Variants in PCDHGB1 observed in about 807,000 individuals in gnomAD.
The protein encoded by PCDHGB1 is protocadherin gamma-B1.
PCDHGB1 carries 34 observed loss-of-function variants against 56.6 expected under a neutral mutation model. That is an observed-to-expected ratio of 0.60 (90% CI 0.46 to 0.80). The LOEUF (loss-of-function observed/expected upper bound fraction) is 0.80, where lower values mean the gene tolerates loss of function less well. Among genes scored for constraint, PCDHGB1 ranks in the 30% least tolerant of loss-of-function variants. The pLI, the probability that PCDHGB1 is intolerant of heterozygous loss-of-function variation, is 0.00. For missense variants in PCDHGB1, 1,278 were observed against 1,204.6 expected, an observed-to-expected ratio of 1.06 and a Z score of -0.90; for synonymous variants, 561 against 505.9, an observed-to-expected ratio of 1.11 and a Z score of -1.46.
At chr5:141,504,303 G>A (rs1157625808) in intron 2 of PCDHGB1, among the ~76,000 whole-genome samples, 4 of 151,938 alleles carry the variant, frequency 2.6e-5, no homozygotes, top group Admixed American at 2.6e-4. Context: ...TTCAACACTC[G>A]GAGTTTCTAA....
chr5:141,488,846 C>T (rs1359759383), intron 1 of PCDHGB1, among the ~76,000 whole-genome samples: 1 of 152,174 alleles, frequency 6.6e-6, no homozygotes, highest in African/African-American at 2.4e-5. Flanking sequence ...GCTGAATCAA[C>T]CTGCAGCACG....
chr5:141,360,940 C>A (rs753520735), intron 1 of PCDHGB1: 6 of 1,613,772 alleles, frequency 3.7e-6, no homozygotes, highest in South Asian at 2.2e-5. Context: ...AGCCACCGAC[C>A]GGGATGAAGG....
At chr5:141,451,185 T>C (rs900513875) in intron 1 of PCDHGB1, among the ~76,000 whole-genome samples, 1 of 152,182 alleles carries the variant, frequency 6.6e-6, no homozygotes, top group Non-Finnish European at 1.5e-5. Context: ...GCCATTGCTG[T>C]GTAACAAATT....
At chr5:141,444,434 G>A (rs761353277) in intron 1 of PCDHGB1, among the ~76,000 whole-genome samples, 16 of 152,196 alleles carry the variant, frequency 1.1e-4, no homozygotes, top group Admixed American at 7.2e-4. Flanking sequence ...GCCTCCCAAA[G>A]TGCTGGGATT....
rs138831045 is a variant in PCDHGB1 at position 141,462,238 on chromosome 5, G to A, written c.2410-32569G>A. Among the ~76,000 whole-genome samples the A allele has an allele frequency of 2.9e-3, 441 of 152,288 alleles. 3 individuals carry two copies. Among genetic ancestry groups the A allele is most frequent in the African/African-American group, 9.9e-3 (412 of 41,566 alleles). On this transcript the variant is annotated intron_variant, in intron 1 of 3. Coordinates refer to ENST00000523390, the MANE Select transcript of PCDHGB1 (RefSeq NM_018922.3). ...GCCTCCCAAAGTGCAGGGATTACAG[G>A]TATGAGCCACCATGACCAGCCTAAA...
At chr5:141,383,394 C>A in intron 1 of PCDHGB1, 2 of 1,614,036 alleles carry the variant, frequency 1.2e-6, no homozygotes, top group Non-Finnish European at 1.7e-6. Context: ...TGGGCACGAA[C>A]TCCCTCCAGA....
chr5:141,400,521 G>A (rs1462677478), intron 1 of PCDHGB1: 5 of 1,613,972 alleles, frequency 3.1e-6, no homozygotes, highest in Non-Finnish European at 4.2e-6. Context: ...CCCATCCTGA[G>A]TTGGTGAGTT....
At chr5:141,429,105 C>G (rs936114624) in intron 1 of PCDHGB1, 1 of 152,318 alleles carries the variant, frequency 6.6e-6, no homozygotes, top group Non-Finnish European at 1.5e-5. Flanking sequence ...CTGCCCGCCT[C>G]GGCCTCCCAA....
intron 1 of PCDHGB1, chr5:141,383,067 C>G: frequency 1.2e-6 from 2 of 1,613,822 alleles, no homozygotes; most frequent in South Asian, 1.1e-5. Flanking sequence ...GGCTGGAGCC[C>G]CGGGAGCTGG....
At chr5:141,472,994 A>AAAG (rs2099310386) in intron 1 of PCDHGB1, among the ~76,000 whole-genome samples, 1 of 151,692 alleles carries the variant, frequency 6.6e-6, no homozygotes, top group Non-Finnish European at 1.5e-5. Flanking sequence ...AAAAAAAAAA[A>AAAG]AAAGAAAGAA....
intron 1 of PCDHGB1, chr5:141,400,255 C>T: frequency 6.2e-7 from 1 of 1,614,046 alleles, no homozygotes; most frequent in Non-Finnish European, 8.5e-7. Flanking sequence ...CGTTGCCTTG[C>T]GCCTGCGACG....
In PCDHGB1 at chr5:141,454,796, A is replaced by ATTTTTTTTTTTTTTTTTTT. The variant is rs61612330; in HGVS notation, c.2410-40000_2410-39982dup. Among the ~76,000 whole-genome samples the ATTTTTTTTTTTTTTTTTTT allele has an allele frequency of 2.8e-4, 22 of 77,458 alleles. 2 individuals are homozygous for ATTTTTTTTTTTTTTTTTTT. Among genetic ancestry groups the ATTTTTTTTTTTTTTTTTTT allele is most frequent in the East Asian group, 4.0e-4 (1 of 2,512 alleles). The allele number at this position is 77,458 out of a possible 152,430, so 50.8% of individuals were successfully genotyped here. The stretch of plus-strand genomic sequence containing the variant: ...AAGGAAATAATCCTCCATGGTTCTA[A>ATTTTTTTTTTTTTTTTTTT]TTTTTTTTTTTTTTTTTTTTTTTTT... On this transcript the variant is annotated intron_variant, in intron 1 of 3. Coordinates refer to ENST00000523390, the MANE Select transcript of PCDHGB1 (RefSeq NM_018922.3).
chr5:141,350,586 A>C lies in PCDHGB1; in HGVS notation c.326A>C (p.Asn109Thr). Residue 109 changes from asparagine to threonine, a missense_variant, in exon 1 of 4, where the codon AAC (asparagine) becomes ACC (threonine). By Grantham distance (65) the Asn-to-Thr change is moderately conservative (BLOSUM62 0). Transcript: ENST00000523390. ...CALEFETVAE[N>T]PMNVFHVVVV... is the part of the protein sequence containing the mutation. ...CTAGAATTCGAAACGGTCGCTGAAAACCCAATGAATGTTTTCCACGTGGTT... is the reference window on the plus strand; with the variant it reads ...CTAGAATTCGAAACGGTCGCTGAAACCCCAATGAATGTTTTCCACGTGGTT... 1 of 1,614,018 alleles carries C rather than the reference A, an allele frequency of 6.2e-7. No individual in the cohort carries two copies. The highest frequency in any genetic ancestry group is 1.7e-5 in the Admixed American group (1 of 60,028).
At chr5:141,378,549 TAAAG>T (rs1207293265) in intron 1 of PCDHGB1, 5 of 152,122 alleles carry the variant, frequency 3.3e-5, no homozygotes, top group East Asian at 1.9e-4. Flanking sequence ...AATTAATAAA[TAAAG>T]AGTGAACATG....
At chr5:141,484,621 T>C (rs2099598239) in intron 1 of PCDHGB1, among the ~76,000 whole-genome samples, 1 of 152,058 alleles carries the variant, frequency 6.6e-6, no homozygotes, top group Admixed American at 6.6e-5. Flanking sequence ...CAACACTGGC[T>C]TGAACAAAGT....
intron 1 of PCDHGB1, chr5:141,357,256 G>A: frequency 6.2e-7 from 1 of 1,613,738 alleles, no homozygotes; most frequent in Non-Finnish European, 8.5e-7. Flanking sequence ...AGACCCAGAC[G>A]ACTCGGGCCT....
At chr5:141,372,388 C>T (rs745890626) in intron 1 of PCDHGB1, 1 of 1,614,056 alleles carries the variant, frequency 6.2e-7, no homozygotes, top group Non-Finnish European at 8.5e-7. Flanking sequence ...CTAATCTTCG[C>T]AGATAGCTTG....
intron 1 of PCDHGB1, chr5:141,374,760 C>T (rs1255992375): frequency 6.2e-7 from 1 of 1,613,440 alleles, no homozygotes; most frequent in South Asian, 1.1e-5. Context: ...TCAAGCGTCG[C>T]CCAAATTCTG....
intron 1 of PCDHGB1, chr5:141,421,126 T>G: frequency 1.2e-6 from 1 of 805,588 alleles, no homozygotes; most frequent in Non-Finnish European, 1.9e-6. Context: ...CTTCGCTTTC[T>G]GATATATTTT....
Sources: gnomAD v4.1 joint callset for allele counts (sites outside exome capture counted in the v4.1 genomes callset) on GRCh38, gnomAD v4.1.1 for gene constraint, MANE v1.5 for transcripts, NCBI Gene and HGNC (gene_info 2026-07-23, HGNC 2026-07-21) for gene names.